Variants in ZC2HC1B observed in about 807,000 individuals in gnomAD.
ZC2HC1B encodes the protein zinc finger C2HC-type containing 1B.
Under a neutral mutation model 31.0 loss-of-function variants are expected in ZC2HC1B, and 36 were observed. That is an observed-to-expected ratio of 1.16 (90% CI 0.89 to 1.54). ZC2HC1B has a LOEUF of 1.54. Among genes scored for constraint, ZC2HC1B ranks in the 40% most tolerant of loss-of-function variants. The pLI, the probability that ZC2HC1B is intolerant of heterozygous loss-of-function variation, is 0.00. For synonymous variants in ZC2HC1B, 73 were observed against 88.0 expected, an observed-to-expected ratio of 0.83 and a Z score of 0.95; for missense variants, 260 against 268.6, an observed-to-expected ratio of 0.97 and a Z score of 0.22.
chr6:143,916,045 C>G (rs1777912722), intron 6 of ZC2HC1B, among the ~76,000 whole-genome samples: 1 of 152,174 alleles, frequency 6.6e-6, no homozygotes, highest in South Asian at 2.1e-4. Flanking sequence ...TTTGTGGCAG[C>G]ACCTCCCATC....
At chr6:143,879,683 C>T (rs1420724456) in intron 1 of ZC2HC1B, among the ~76,000 whole-genome samples, 1 of 152,108 alleles carries the variant, frequency 6.6e-6, no homozygotes, top group Non-Finnish European at 1.5e-5. Flanking sequence ...GCATTCTTAA[C>T]TTCCAGCTCA....
chr6:143,931,535 C>T (rs1242900963), intron 6 of ZC2HC1B, among the ~76,000 whole-genome samples: 1 of 152,186 alleles, frequency 6.6e-6, no homozygotes, highest in African/African-American at 2.4e-5. Flanking sequence ...GTGGTGAATT[C>T]TCTCAGCATT....
At chr6:143,909,643 T>C (rs1777836584) in intron 6 of ZC2HC1B, among the ~76,000 whole-genome samples, 1 of 151,946 alleles carries the variant, frequency 6.6e-6, no homozygotes, top group South Asian at 2.1e-4. Context: ...CTTGGGAGGA[T>C]GTATGTGTCC....
At chr6:143,906,885 A>G (rs1366290031) in intron 6 of ZC2HC1B, among the ~76,000 whole-genome samples, 1 of 151,962 alleles carries the variant, frequency 6.6e-6, no homozygotes, top group Non-Finnish European at 1.5e-5. Context: ...CATCCTAGGT[A>G]TTAAGCTGAG....
At position 143,924,294 on chromosome 6, in the gene ZC2HC1B, G is replaced by T. The variant is rs555003760; in HGVS notation, c.599-13355G>T. ...TTTTTATATGTTGATTTTGTATCCTGCAATTTTACTAAATTCATTTATTCT... is the reference window on the plus strand; with the variant it reads ...TTTTTATATGTTGATTTTGTATCCTTCAATTTTACTAAATTCATTTATTCT... On this transcript the variant is annotated intron_variant, in intron 6 of 7. Coordinates refer to ENST00000237275, the MANE Select transcript of ZC2HC1B (RefSeq NM_001013623.3). The surrounding 1 kb of genome is among the most constrained non-coding windows in gnomAD (Gnocchi z 5.2). 3.5e-4 allele frequency among the ~76,000 whole-genome samples: 53 copies of T among 151,486 alleles called. No homozygotes were observed. The highest frequency in any genetic ancestry group is 1.2e-3 in the African/African-American group (51 of 41,330).
At position 143,913,609 on chromosome 6, in the gene ZC2HC1B, CTG is replaced by C. The variant is rs1374115440; in HGVS notation, c.598+10464_598+10465del. Among the ~76,000 whole-genome samples the C allele has an allele frequency of 2.6e-5, 4 of 152,350 alleles. No individual in the cohort carries two copies. The East Asian group carries it at 7.7e-4, about 29-fold the overall frequency. ...TGGTGTATTTAAAGCTCCTGGGTTT[CTG>C]TGTGTGCCTGAGCAGTTGCTCTGCC... is the stretch of plus-strand genomic sequence containing the variant. On this transcript the variant is annotated intron_variant, in intron 6 of 7. Transcript: ENST00000237275. The surrounding 1 kb of genome is among the most constrained non-coding windows in gnomAD (Gnocchi z 5.7).
intron 6 of ZC2HC1B, among the ~76,000 whole-genome samples, chr6:143,936,310 G>A (rs970603365): frequency 6.6e-6 from 1 of 152,172 alleles, no homozygotes; most frequent in African/African-American, 2.4e-5. Flanking sequence ...GGAGGTCGAT[G>A]TACTATTCAT....
At chr6:143,912,727 G>A (rs573773938) in intron 6 of ZC2HC1B, among the ~76,000 whole-genome samples, 10 of 152,332 alleles carry the variant, frequency 6.6e-5, no homozygotes, top group African/African-American at 1.7e-4. Flanking sequence ...TCAGGGTCAG[G>A]AACCCACTTA....
At chr6:143,919,727 G>T (rs1472013056) in intron 6 of ZC2HC1B, among the ~76,000 whole-genome samples, 1 of 152,200 alleles carries the variant, frequency 6.6e-6, no homozygotes, top group Non-Finnish European at 1.5e-5. Context: ...CAGCTGAGGG[G>T]TGGAGGATGT....
intron 6 of ZC2HC1B, among the ~76,000 whole-genome samples, chr6:143,932,419 T>G (rs1181494130): frequency 2.0e-5 from 3 of 152,192 alleles, no homozygotes; most frequent in Admixed American, 2.0e-4. Flanking sequence ...AGCTCTAAAG[T>G]TCTTTCTTCT....
rs1414026125 is a variant in ZC2HC1B at position 143,915,973 on chromosome 6, G to A, written c.598+12821G>A. On this transcript the variant is annotated intron_variant, in intron 6 of 7. Transcript: ENST00000237275. This position sits in a 1 kb window ranked among gnomAD's most constrained non-coding sequence, Gnocchi z 5.2. ...GGCTGCAGAAATTTGTATAGGTAAT[G>A]AGGAGCTGAATGTTAGTCCCCAAGA... Among the ~76,000 whole-genome samples, 1 of 152,202 alleles carries A rather than the reference G, an allele frequency of 6.6e-6. No individual in the cohort carries two copies. The highest frequency in any genetic ancestry group is 1.9e-4 in the East Asian group (1 of 5,182).
chr6:143,912,636 A>G (rs1383162295), intron 6 of ZC2HC1B, among the ~76,000 whole-genome samples: 1 of 152,200 alleles, frequency 6.6e-6, no homozygotes, highest in Non-Finnish European at 1.5e-5. Flanking sequence ...TAGAAGCTCT[A>G]TCCTGGGGTA....
intron 6 of ZC2HC1B, among the ~76,000 whole-genome samples, chr6:143,920,019 G>T (rs949469079): frequency 6.6e-6 from 1 of 152,076 alleles, no homozygotes; most frequent in African/African-American, 2.4e-5. Context: ...AATTTAAATT[G>T]TATGTGTATT....
chr6:143,908,252 TA>T lies in ZC2HC1B; in HGVS notation c.598+5101del. ...TCTTTTTGCTTAGGATTGTCTTGAC[TA>T]TTTGGGCTCTGTTTTGATTTCATAT... On this transcript the variant is annotated intron_variant, in intron 6 of 7. Transcript: ENST00000237275. The surrounding 1 kb of genome is among the most constrained non-coding windows in gnomAD (Gnocchi z 4.4). Among the ~76,000 whole-genome samples the T allele has an allele frequency of 6.6e-6, 1 of 151,878 alleles. No homozygotes were observed. The highest frequency in any genetic ancestry group is 1.5e-5 in the Non-Finnish European group (1 of 68,002).
In ZC2HC1B at chr6:143,871,611, A is replaced by G. The variant is rs970120179; in HGVS notation, c.28+7044A>G. Among the ~76,000 whole-genome samples, 1 of 152,140 alleles carries G rather than the reference A, an allele frequency of 6.6e-6. No individual in the cohort carries two copies. The highest frequency in any genetic ancestry group is 2.4e-5 in the African/African-American group (1 of 41,434). ...ATCCATCTGTCTTCTGCACAGGCCA[A>G]ATGGGAGAGTTGAACAGGGATGTGG... On this transcript the variant is annotated intron_variant, in intron 1 of 7. Coordinates refer to ENST00000237275, the MANE Select transcript of ZC2HC1B (RefSeq NM_001013623.3). The surrounding 1 kb of genome is among the most constrained non-coding windows in gnomAD (Gnocchi z 4.1).
intron 1 of ZC2HC1B, among the ~76,000 whole-genome samples, chr6:143,873,884 T>C (rs1176220820): frequency 6.6e-6 from 1 of 152,244 alleles, no homozygotes; most frequent in Non-Finnish European, 1.5e-5. Context: ...AGACATTTTT[T>C]CCATGGTCTT....
intron 4 of ZC2HC1B, among the ~76,000 whole-genome samples, chr6:143,888,561 A>G (rs1214600738): frequency 3.3e-5 from 5 of 151,910 alleles, no homozygotes. Context: ...ATCTTCTTTA[A>G]TTTCTTTTAG....
chr6:143,895,163 T>G lies in ZC2HC1B; in HGVS notation c.350-3389T>G, dbSNP rs954142724. Among the ~76,000 whole-genome samples the G allele has an allele frequency of 6.6e-6, 1 of 151,952 alleles. No homozygotes were observed. Among genetic ancestry groups the G allele is most frequent in the Admixed American group, 6.6e-5 (1 of 15,256 alleles). ...TTCTAGAGAATTTATTTGTTTTTTGTTGTTGTTGTTGTTTTTGAGACAGAG... is the reference window on the plus strand; with the variant it reads ...TTCTAGAGAATTTATTTGTTTTTTGGTGTTGTTGTTGTTTTTGAGACAGAG... On this transcript the variant is annotated intron_variant, in intron 4 of 7. Transcript: ENST00000237275. The surrounding 1 kb of genome is among the most constrained non-coding windows in gnomAD (Gnocchi z 4.8).
intron 6 of ZC2HC1B, among the ~76,000 whole-genome samples, chr6:143,916,488 A>T (rs1177381358): frequency 6.6e-6 from 1 of 152,042 alleles, no homozygotes; most frequent in Non-Finnish European, 1.5e-5. Flanking sequence ...CGTCCTCCAG[A>T]CCCCACAATG....
Sources: gnomAD v4.1 joint callset for allele counts (sites outside exome capture counted in the v4.1 genomes callset) on GRCh38, gnomAD v4.1.1 for gene constraint, Gnocchi (gnomAD v3.1) non-coding constraint, MANE v1.5 for transcripts, NCBI Gene and HGNC (gene_info 2026-07-23, HGNC 2026-07-21) for gene names.